Variants in KLC1 observed in about 807,000 individuals in gnomAD.
The protein encoded by KLC1 is kinesin 2 60/70kDa.
KLC1 carries 30 observed loss-of-function variants against 84.2 expected under a neutral mutation model. The ratio of observed to expected loss-of-function variants is 0.36; its 90% CI spans 0.27 to 0.48. The LOEUF is 0.48. Among genes scored for constraint, KLC1 ranks in the 20% least tolerant of loss-of-function variants. The pLI, the probability that KLC1 is intolerant of heterozygous loss-of-function variation, is 0.99. For missense variants in KLC1, 499 were observed against 805.4 expected (o/e 0.62, Z 4.60); for synonymous variants, 289 against 293.3 (o/e 0.99, Z 0.15).
At chr14:103,659,261 G>A (rs527615242) in intron 3 of KLC1, among the ~76,000 whole-genome samples, 8 of 152,266 alleles carry the variant, frequency 5.3e-5, no homozygotes, top group East Asian at 3.9e-4. Flanking sequence ...CACCACGACC[G>A]GCTTCAGTTA....
intron 2 of KLC1, among the ~76,000 whole-genome samples, chr14:103,655,824 A>G (rs1425768655): frequency 7.2e-5 from 11 of 152,186 alleles, no homozygotes; most frequent in Non-Finnish European, 1.5e-4. Flanking sequence ...GCTGGTCTTG[A>G]ACTCCTGACC....
intron 1 of KLC1, among the ~76,000 whole-genome samples, chr14:103,644,508 T>C (rs1262068303): frequency 6.6e-6 from 1 of 152,032 alleles, no homozygotes; most frequent in African/African-American, 2.4e-5. Context: ...ATCCACCCGC[T>C]TCAGCCTCCC....
chr14:103,693,664 C>G lies in KLC1; in HGVS notation c.1848+1239C>G. The G allele has an allele frequency of 6.5e-7, 1 of 1,530,400 alleles. No homozygotes were observed. The highest frequency in any genetic ancestry group is 8.7e-7 in the Non-Finnish European group (1 of 1,143,754). 94.8% of individuals were successfully genotyped at this position (1,530,400 alleles called of 1,614,324 possible). A position where few individuals can be genotyped will look rare whatever the true frequency, so the allele number is the denominator to read the frequency against. On this transcript the variant is annotated intron_variant, in intron 15 of 16. Transcript: ENST00000334553. The surrounding 1 kb of genome is among the most constrained non-coding windows in gnomAD (Gnocchi z 5.1). ...CCTGTCTTGGGAGTGTGAGACCGCC[C>G]CGCCCTGCCACGCCCCTCACCGCCC...
chr14:103,692,415 A>G lies in KLC1; in HGVS notation c.1838A>G (p.Asp613Gly), dbSNP rs1407085662. The G allele has an allele frequency of 3.3e-6, 5 of 1,536,600 alleles. No homozygotes were observed. Among genetic ancestry groups the G allele is most frequent in the Non-Finnish European group, 4.4e-6 (5 of 1,147,008 alleles). The change falls in exon 15 of 17, where the codon GAT becomes GGT. Residue 613 changes from aspartate to glycine, a missense_variant. Asp to Gly is a moderately conservative substitution (Grantham distance 94, BLOSUM62 -1). Transcript: ENST00000334553. ...VLNVGGKAAEDRFQGVSGRAS... is the reference protein window; with the variant it reads ...VLNVGGKAAEGRFQGVSGRAS... ...AACGTGGGTGGCAAGGCTGCTGAAG[A>G]TCGCTTTCAAGTAAGGAGCCTACCC...
intron 14 of KLC1, among the ~76,000 whole-genome samples, chr14:103,689,840 G>A (rs1390313410): frequency 1.3e-5 from 2 of 152,168 alleles, no homozygotes; most frequent in Admixed American, 6.5e-5. Context: ...TTGTTCTTTC[G>A]TTTCGTAAAA....
chr14:103,642,388 C>T (rs917233067), intron 1 of KLC1, among the ~76,000 whole-genome samples: 1 of 152,124 alleles, frequency 6.6e-6, no homozygotes, highest in South Asian at 2.1e-4. Flanking sequence ...ATTGCAATAA[C>T]CTTGATAGTT....
intron 1 of KLC1, among the ~76,000 whole-genome samples, chr14:103,645,798 C>T (rs1595300780): frequency 6.7e-6 from 1 of 149,288 alleles, no homozygotes; most frequent in East Asian, 2.0e-4. Flanking sequence ...CGCTCTGTTG[C>T]CCAGGCTGGA....
At chr14:103,696,098 G>T (rs112608120) in intron 15 of KLC1, 5 of 201,508 alleles carry the variant, frequency 2.5e-5, no homozygotes, top group African/African-American at 1.6e-4. Flanking sequence ...CTGCGCCCCC[G>T]CCCCCCGCCC....
chr14:103,696,689 G>C, intron 15 of KLC1: 1 of 985,452 alleles, frequency 1.0e-6, no homozygotes, highest in Non-Finnish European at 1.2e-6. Context: ...ATATGTAGAC[G>C]TGTATTCTGT....
chr14:103,691,803 GCT>G (rs1436454036), intron 14 of KLC1, among the ~76,000 whole-genome samples: 9 of 147,896 alleles, frequency 6.1e-5, no homozygotes, highest in Non-Finnish European at 1.2e-4. Context: ...ACAGGGTCTT[GCT>G]CTGTCTCCCA....
At chr14:103,632,406 G>A (rs1019452060) in intron 1 of KLC1, among the ~76,000 whole-genome samples, 5 of 150,832 alleles carry the variant, frequency 3.3e-5, no homozygotes, top group African/African-American at 7.3e-5. Context: ...GCCAGACTCC[G>A]TCTCAAAACA....
intron 3 of KLC1, 57 bp downstream of exon 3, chr14:103,657,833 G>C: frequency 8.1e-7 from 1 of 1,237,404 alleles, no homozygotes; most frequent in South Asian, 1.3e-5. Context: ...CACTGGGAAA[G>C]TCATAGAGGT....
chr14:103,633,503 G>A (rs1475524749), intron 1 of KLC1, among the ~76,000 whole-genome samples: 3 of 152,160 alleles, frequency 2.0e-5, no homozygotes, highest in African/African-American at 7.2e-5. Context: ...AGTGACAGAA[G>A]GAACAGAGAA....
At chr14:103,689,428 C>T (rs531369720) in intron 14 of KLC1, among the ~76,000 whole-genome samples, 1 of 152,356 alleles carries the variant, frequency 6.6e-6, no homozygotes, top group East Asian at 1.9e-4. Context: ...CATAGATGCA[C>T]ACACTTGCAC....
intron 1 of KLC1, among the ~76,000 whole-genome samples, chr14:103,632,521 G>T (rs1044683518): frequency 6.6e-5 from 10 of 152,046 alleles, no homozygotes; most frequent in African/African-American, 2.4e-4. Flanking sequence ...TTTGAGACCC[G>T]CCTGGACAAC....
chr14:103,655,048 G>A (rs1216088486), intron 2 of KLC1, among the ~76,000 whole-genome samples: 2 of 151,922 alleles, frequency 1.3e-5, no homozygotes, highest in African/African-American at 2.4e-5. Context: ...CCAACATAGC[G>A]AAACCCTGAC....
Position 103,662,205 on chromosome 14 carries a change from G to A in KLC1, c.571+11G>A. 1.9e-6 allele frequency: 3 copies of A among 1,596,606 alleles called. No homozygotes were observed. Among genetic ancestry groups the A allele is most frequent in the Non-Finnish European group, 2.6e-6 (3 of 1,164,052 alleles). On this transcript the variant is annotated intron_variant, in intron 4 of 16. Transcript: ENST00000334553. ...ACCCAGGGCAAGGAAGTGAGTGATG[G>A]GTGATGCAGGCATGTTACCGAGTGC...
intron 5 of KLC1, among the ~76,000 whole-genome samples, chr14:103,666,762 C>CCTCATTTAATTCTCATAA (rs2079878330): frequency 7.0e-6 from 1 of 142,056 alleles, no homozygotes; most frequent in Non-Finnish European, 1.5e-5. Flanking sequence ...CCGTGCCTGG[C>CCTCATTTAATTCTCATAA]CATTTTTTTT....
intron 9 of KLC1, among the ~76,000 whole-genome samples, 184 bp downstream of exon 9, chr14:103,673,615 C>T (rs1434237948): frequency 6.6e-6 from 1 of 152,138 alleles, no homozygotes; most frequent in African/African-American, 2.4e-5. Flanking sequence ...TCAAACATTA[C>T]CCCATTTTAA....
Sources: gnomAD v4.1 joint callset for allele counts (sites outside exome capture counted in the v4.1 genomes callset) on GRCh38, gnomAD v4.1.1 for gene constraint, Gnocchi (gnomAD v3.1) non-coding constraint, MANE v1.5 for transcripts, NCBI Gene and HGNC (gene_info 2026-07-23, HGNC 2026-07-21) for gene names.